The following HECW1 variants were observed in gnomAD, a reference collection of about 807,000 sequenced individuals.
HECW1 encodes E3 ubiquitin-protein ligase HECW1.
A neutral mutation model predicts 182.3 loss-of-function variants in HECW1; 61 were observed. The observed-to-expected ratio is 0.33, with a 90% CI of 0.27 to 0.41. The LOEUF (loss-of-function observed/expected upper bound fraction) is 0.41, where lower values mean the gene tolerates loss of function less well. HECW1 is among the 10% of genes least tolerant of loss of function. The pLI, the probability that HECW1 is intolerant of heterozygous loss-of-function variation, is 1.00. For synonymous variants in HECW1, 859 were observed against 832.6 expected (o/e 1.03, Z -0.55); for missense variants, 1,739 against 2,108.9 (o/e 0.82, Z 3.44).
chr7:43,324,330 C>T (rs981901435), intron 5 of HECW1, among the ~76,000 whole-genome samples: 26 of 152,090 alleles, frequency 1.7e-4, no homozygotes, highest in African/African-American at 6.3e-4. Context: ...TAACTCAAGG[C>T]ACATATATTA....
intron 16 of HECW1, among the ~76,000 whole-genome samples, chr7:43,469,366 C>A (rs1159770528): frequency 6.6e-6 from 1 of 152,178 alleles, no homozygotes; most frequent in Admixed American, 6.5e-5. Context: ...TGTGACATTG[C>A]TATGTGTTCC....
At chr7:43,440,850 C>A (rs977322990) in intron 9 of HECW1, among the ~76,000 whole-genome samples, 2 of 148,106 alleles carry the variant, frequency 1.4e-5, no homozygotes, top group African/African-American at 5.0e-5. Context: ...ACTCCAAACA[C>A]TAAATCATGG....
chr7:43,528,161 A>C (rs150399128), intron 24 of HECW1, among the ~76,000 whole-genome samples: 226 of 152,342 alleles, frequency 1.5e-3, no homozygotes, highest in African/African-American at 4.8e-3. Flanking sequence ...ACTTGTAGAC[A>C]TAATCTCAGT....
chr7:43,537,133 A>G (rs368668229), intron 24 of HECW1, among the ~76,000 whole-genome samples: 1 of 152,306 alleles, frequency 6.6e-6, no homozygotes, highest in South Asian at 2.1e-4. Flanking sequence ...CCTGAGATCC[A>G]TGGAGAGAAA....
intron 24 of HECW1, among the ~76,000 whole-genome samples, chr7:43,524,335 A>G (rs2080669476): frequency 6.6e-6 from 1 of 152,242 alleles, no homozygotes; most frequent in Non-Finnish European, 1.5e-5. Flanking sequence ...AATATATAAG[A>G]AGTTAGAAAA....
chr7:43,401,637 A>T (rs959509866), intron 7 of HECW1, among the ~76,000 whole-genome samples: 1 of 147,256 alleles, frequency 6.8e-6, no homozygotes, highest in African/African-American at 2.5e-5. Context: ...CATGATACGT[A>T]CAAAAGAACA....
intron 4 of HECW1, among the ~76,000 whole-genome samples, chr7:43,320,191 G>A (rs558036445): frequency 6.6e-6 from 1 of 152,326 alleles, no homozygotes; most frequent in Admixed American, 6.5e-5. Context: ...GAGGAGAGAT[G>A]ATTCGAAGTG....
At chr7:43,119,271 C>A (rs982434930) in intron 2 of HECW1, 1 of 152,284 alleles carries the variant, frequency 6.6e-6, no homozygotes, top group Admixed American at 6.5e-5. Flanking sequence ...TGGTGAAGTA[C>A]AAGGGCACAG....
intron 24 of HECW1, among the ~76,000 whole-genome samples, chr7:43,538,835 G>A (rs1386133956): frequency 3.3e-5 from 5 of 152,070 alleles, no homozygotes; most frequent in East Asian, 1.9e-4. Flanking sequence ...AATTAACCGC[G>A]GTGACTAGAA....
intron 3 of HECW1, among the ~76,000 whole-genome samples, chr7:43,256,793 C>A (rs540032900): frequency 6.6e-6 from 1 of 151,970 alleles, no homozygotes; most frequent in African/African-American, 2.4e-5. Flanking sequence ...ACCTGCTATT[C>A]TTCATCCCCC....
At chr7:43,142,527 A>AC (rs925360536) in intron 2 of HECW1, among the ~76,000 whole-genome samples, 16 of 152,248 alleles carry the variant, frequency 1.1e-4, no homozygotes, top group African/African-American at 3.6e-4. Context: ...CCCTCCCCAC[A>AC]CAAAGCCAAC....
chr7:43,113,105 C>G (rs1311124880), intron 1 of HECW1, among the ~76,000 whole-genome samples, 168 bp downstream of exon 1: 2 of 152,174 alleles, frequency 1.3e-5, no homozygotes, highest in Non-Finnish European at 2.9e-5. Context: ...AATTGTCAGC[C>G]TGGGTCGCGC....
intron 3 of HECW1, among the ~76,000 whole-genome samples, chr7:43,293,960 G>A (rs1193967499): frequency 6.6e-6 from 1 of 152,144 alleles, no homozygotes; most frequent in African/African-American, 2.4e-5. Context: ...GAGGGATCTA[G>A]GTTGCATGCT....
chr7:43,484,907 T>C (rs2078571362), intron 17 of HECW1, among the ~76,000 whole-genome samples: 1 of 152,068 alleles, frequency 6.6e-6, no homozygotes. Flanking sequence ...ATAAGTGGAG[T>C]GCTATGAATA....
In HECW1 at chr7:43,320,723, C is replaced by A. The variant is rs763159473; in HGVS notation, c.441C>A (p.Ala147=). ...GCCAGATCATCTGGAAGATCGATGCCAGCTCGTACTTTGTGGAACGTGAGT... is the reference window on the plus strand; with the variant it reads ...GCCAGATCATCTGGAAGATCGATGCAAGCTCGTACTTTGTGGAACGTGAGT... ...HRGQIIWKID[A]SSYFVEPETK... Residue 147 remains alanine (A), a synonymous_variant, in exon 5 of 30, where the codon GCC becomes GCA. Transcript: ENST00000395891. 1.2e-6 allele frequency: 2 copies of A among 1,613,668 alleles called. No homozygotes were observed. Among genetic ancestry groups the A allele is most frequent in the Non-Finnish European group, 1.7e-6 (2 of 1,179,572 alleles).
At chr7:43,402,232 C>G (rs2075445565) in intron 7 of HECW1, among the ~76,000 whole-genome samples, 1 of 152,178 alleles carries the variant, frequency 6.6e-6, no homozygotes, top group Non-Finnish European at 1.5e-5. Context: ...CTTAAGCCAG[C>G]CGCAGATGGC....
intron 11 of HECW1, among the ~76,000 whole-genome samples, chr7:43,448,682 C>T (rs1385383585): frequency 6.6e-6 from 1 of 152,116 alleles, no homozygotes; most frequent in East Asian, 1.9e-4. Flanking sequence ...ATTTGCATTT[C>T]CTGTACTTTA....
At chr7:43,170,250 A>G (rs1378812117) in intron 2 of HECW1, among the ~76,000 whole-genome samples, 1 of 152,200 alleles carries the variant, frequency 6.6e-6, no homozygotes, top group Admixed American at 6.5e-5. Flanking sequence ...ATATATTAAC[A>G]TGTAATAATA....
chr7:43,516,242 TGGAA>T (rs1387943520), intron 24 of HECW1, among the ~76,000 whole-genome samples: 1 of 151,242 alleles, frequency 6.6e-6, no homozygotes, highest in African/African-American at 2.4e-5. Context: ...TAAATATGTG[TGGAA>T]GGAAGGAAGG....
Sources: gnomAD v4.1 joint callset for allele counts (sites outside exome capture counted in the v4.1 genomes callset) on GRCh38, gnomAD v4.1.1 for gene constraint, MANE v1.5 for transcripts, NCBI Gene and HGNC (gene_info 2026-07-23, HGNC 2026-07-21) for gene names.